Variants in STUM observed in about 807,000 individuals in gnomAD.
STUM encodes the protein protein stum homolog.
In STUM, 8 loss-of-function variants were observed where a neutral mutation model predicts 15.3. That is an observed-to-expected ratio of 0.52 (90% confidence interval 0.31 to 0.94). The LOEUF is 0.94. Ranked by LOEUF, STUM falls within the 40% of genes least tolerant of loss-of-function variation. STUM has a pLI of 0.05. For missense variants in STUM, 142 were observed against 204.9 expected, an observed-to-expected ratio of 0.69 and a Z score of 1.87; for synonymous variants, 78 against 88.7, an observed-to-expected ratio of 0.88 and a Z score of 0.68.
At chr1:226,553,669 C>T (rs1354222883) in intron 1 of STUM, among the ~76,000 whole-genome samples, 1 of 152,162 alleles carries the variant, frequency 6.6e-6, no homozygotes, top group East Asian at 1.9e-4. Flanking sequence ...TGATTTTGAG[C>T]ATGTGGTGGA....
At chr1:226,578,331 T>A (rs1486548606) in intron 1 of STUM, among the ~76,000 whole-genome samples, 2 of 143,968 alleles carry the variant, frequency 1.4e-5, no homozygotes, top group Middle Eastern at 3.8e-3. Flanking sequence ...CTGCATTTAG[T>A]CCCCCACACC....
chr1:226,548,797 C>T lies in STUM; in HGVS notation c.-108C>T, dbSNP rs1667314786. ...CGCGGCGCACGGAGCACGGCGGCCG[C>T]CTGAGCTCGGCGCGGAGCCCGGAGC... On this transcript the variant is annotated 5_prime_UTR_variant, in exon 1 of 4. Coordinates refer to ENST00000366788, the MANE Select transcript of STUM (RefSeq NM_001003665.4). 1.0e-6 allele frequency: 1 copy of T among 961,046 alleles called. No homozygotes were observed. Among genetic ancestry groups the T allele is most frequent in the South Asian group, 4.7e-5 (1 of 21,076 alleles). The allele number at this position is 961,046 out of a possible 1,614,324, so 59.5% of individuals were successfully genotyped here. A position where few individuals can be genotyped will look rare whatever the true frequency, so the allele number is the denominator to read the frequency against.
Position 226,578,896 on chromosome 1 carries a change from A to G in STUM, c.203-17906A>G, listed in dbSNP as rs143103769. ...CTCAAGCAACGAAATAAAAAAAGTC[A>G]CACTGAAGTATTAGAGACTTAATCA... is the stretch of plus-strand genomic sequence containing the variant. On this transcript the variant is annotated intron_variant, in intron 1 of 3. Coordinates refer to ENST00000366788, the MANE Select transcript of STUM (RefSeq NM_001003665.4). Among the ~76,000 whole-genome samples the G allele has an allele frequency of 6.3e-4, 96 of 152,330 alleles. 1 individual carries two copies. The highest frequency in any genetic ancestry group is 2.3e-3 in the African/African-American group (94 of 41,560).
In STUM at chr1:226,605,471, C is replaced by T. The variant is rs895861828; in HGVS notation, c.*3431C>T. ...GAATCGCATGCAGCCCAGAGCAGGT[C>T]CTGTGGAGGGGTCCTCACCCCTCAG... On this transcript the variant is annotated 3_prime_UTR_variant, in exon 4 of 4. Transcript: ENST00000366788. The surrounding 1 kb of genome is among the most constrained non-coding windows in gnomAD (Gnocchi z 4.0). 1.8e-4 allele frequency: 27 copies of T among 152,378 alleles called. No individual in the cohort carries two copies. Among genetic ancestry groups the T allele is most frequent in the African/African-American group, 6.3e-4 (26 of 41,546 alleles). The allele number at this position is 152,378 out of a possible 1,614,324, so 9.4% of individuals were successfully genotyped here.
rs1271513202 is a variant in STUM at position 226,565,107 on chromosome 1, G to A, written c.202+16001G>A. On this transcript the variant is annotated intron_variant, in intron 1 of 3. Coordinates refer to ENST00000366788, the MANE Select transcript of STUM (RefSeq NM_001003665.4). This position sits in a 1 kb window ranked among gnomAD's most constrained non-coding sequence, Gnocchi z 4.4. ...GTAGGCATGGAGGAAAGGAGGGAGA[G>A]TTTGGGGTATTGGTTTCCCATTCCC... Among the ~76,000 whole-genome samples the A allele has an allele frequency of 6.6e-6, 1 of 152,170 alleles. No homozygotes were observed. The highest frequency in any genetic ancestry group is 1.5e-5 in the Non-Finnish European group (1 of 68,028).
chr1:226,566,534 A>G (rs899992698), intron 1 of STUM, among the ~76,000 whole-genome samples: 1 of 152,210 alleles, frequency 6.6e-6, no homozygotes, highest in African/African-American at 2.4e-5. Flanking sequence ...GAAAATAGAA[A>G]GTAATAAATT....
Position 226,607,765 on chromosome 1 carries a change from C to G in STUM, c.*5725C>G, listed in dbSNP as rs923694953. On this transcript the variant is annotated 3_prime_UTR_variant, in exon 4 of 4. Transcript: ENST00000366788. ...AACTCGGCCCTCAAACCCTCTCCCT[C>G]TCTGCCTGAATTTGCCAAAATGCCA... 1 of 152,328 alleles carries G rather than the reference C, an allele frequency of 6.6e-6. No individual in the cohort carries two copies. The highest frequency in any genetic ancestry group is 1.5e-5 in the Non-Finnish European group (1 of 68,094). The allele number at this position is 152,328 out of a possible 1,614,324, so 9.4% of individuals were successfully genotyped here. A position where few individuals can be genotyped will look rare whatever the true frequency, so the allele number is the denominator to read the frequency against.
intron 1 of STUM, among the ~76,000 whole-genome samples, chr1:226,558,615 G>A (rs979019104): frequency 6.6e-6 from 1 of 152,198 alleles, no homozygotes; most frequent in Non-Finnish European, 1.5e-5. Flanking sequence ...GCGTCTCTGA[G>A]GCTAACTTTA....
At chr1:226,599,999 A>AT (rs1484572193) in intron 2 of STUM, among the ~76,000 whole-genome samples, 1 of 152,244 alleles carries the variant, frequency 6.6e-6, no homozygotes. Flanking sequence ...GGCTAAGCAC[A>AT]TAGCTCAGAC....
intron 1 of STUM, among the ~76,000 whole-genome samples, chr1:226,584,739 A>AT (rs1455020842): frequency 2.6e-5 from 4 of 152,110 alleles, no homozygotes; most frequent in Non-Finnish European, 5.9e-5. Flanking sequence ...GCATCATTTA[A>AT]TTTTTTTGTG....
chr1:226,550,698 G>A (rs1420632284), intron 1 of STUM, among the ~76,000 whole-genome samples: 1 of 151,864 alleles, frequency 6.6e-6, no homozygotes, highest in Non-Finnish European at 1.5e-5. Flanking sequence ...AGTCACTGCT[G>A]CACGAGGAAA....
At chr1:226,556,685 C>T (rs1667451593) in intron 1 of STUM, among the ~76,000 whole-genome samples, 1 of 152,188 alleles carries the variant, frequency 6.6e-6, no homozygotes, top group African/African-American at 2.4e-5. Context: ...GTCACTTAGC[C>T]TCTCTGAGCC....
rs1280461711 is a variant in STUM, at chr1:226,562,015, G to T, written c.202+12909G>T. 2.7e-5 allele frequency among the ~76,000 whole-genome samples: 4 copies of T among 150,768 alleles called. No individual in the cohort carries two copies. In the South Asian group the frequency reaches 8.4e-4, roughly 32 times the overall value. On this transcript the variant is annotated intron_variant, in intron 1 of 3. Transcript: ENST00000366788. ...AGTATGTCGGGTGGGGGGTGAGGTT[G>T]GGGGGAAGTGGGGAGTGACCATTAA...
At chr1:226,578,745 G>A (rs1398231887) in intron 1 of STUM, among the ~76,000 whole-genome samples, 2 of 152,140 alleles carry the variant, frequency 1.3e-5, no homozygotes, top group African/African-American at 2.4e-5. Flanking sequence ...AGCCACCCCT[G>A]CAGCGGCTGC....
chr1:226,596,999 C>T lies in STUM; in HGVS notation c.382+18C>T. 6.2e-7 allele frequency: 1 copy of T among 1,612,818 alleles called. No homozygotes were observed. Among genetic ancestry groups the T allele is most frequent in the Non-Finnish European group, 8.5e-7 (1 of 1,178,878 alleles). Reference sequence around the variant, plus strand: ...CCTTGCCAGTGAGTAGCTGTTGGTGCTGCGCCTCCTGGGGGTGGGGAGTGG... The same window carrying T: ...CCTTGCCAGTGAGTAGCTGTTGGTGTTGCGCCTCCTGGGGGTGGGGAGTGG... On this transcript the variant is annotated intron_variant, in intron 2 of 3. Coordinates refer to ENST00000366788, the MANE Select transcript of STUM (RefSeq NM_001003665.4).
chr1:226,595,208 C>T (rs990986072), intron 1 of STUM, among the ~76,000 whole-genome samples: 4 of 152,088 alleles, frequency 2.6e-5, no homozygotes, highest in Non-Finnish European at 4.4e-5. Context: ...TGCAGTGTGA[C>T]GTGTAAAGGC....
Position 226,587,353 on chromosome 1 carries a change from A to AT in STUM, c.203-9448dup, listed in dbSNP as rs575593486. On this transcript the variant is annotated intron_variant, in intron 1 of 3. Coordinates refer to ENST00000366788, the MANE Select transcript of STUM (RefSeq NM_001003665.4). ...CTGTCCTCGGAAGGAAGGACACCAG[A>AT]TGGATGTGTGGCATCCAAGAAGGCT... Among the ~76,000 whole-genome samples the AT allele has an allele frequency of 1.1e-3, 163 of 152,260 alleles. 2 individuals are homozygous for AT. Among genetic ancestry groups the AT allele is most frequent in the African/African-American group, 3.8e-3 (156 of 41,546 alleles).
intron 1 of STUM, among the ~76,000 whole-genome samples, chr1:226,578,244 A>T (rs976816585): frequency 6.6e-6 from 1 of 151,984 alleles, no homozygotes; most frequent in African/African-American, 2.4e-5. Context: ...AATTTTAAAA[A>T]TGTTTTTAAA....
At chr1:226,550,383 G>C (rs1667354102) in intron 1 of STUM, among the ~76,000 whole-genome samples, 1 of 152,262 alleles carries the variant, frequency 6.6e-6, no homozygotes, top group South Asian at 2.1e-4. Context: ...CTTTAGTTGG[G>C]CTTCTCTCTT....
Sources: gnomAD v4.1 joint callset for allele counts (sites outside exome capture counted in the v4.1 genomes callset) on GRCh38, gnomAD v4.1.1 for gene constraint, Gnocchi (gnomAD v3.1) non-coding constraint, MANE v1.5 for transcripts, NCBI Gene and HGNC (gene_info 2026-07-23, HGNC 2026-07-21) for gene names.